Variants in CELSR1 observed in about 807,000 individuals in gnomAD.
CELSR1 encodes cadherin EGF LAG seven-pass G-type receptor 1, also known as adhesion G protein-coupled receptor C1.
In CELSR1, 110 loss-of-function variants were observed where a neutral mutation model predicts 249.1. The observed-to-expected ratio is 0.44, with a 90% CI of 0.38 to 0.52. The LOEUF is 0.52. CELSR1 is among the 20% of genes least tolerant of loss of function. CELSR1 has a pLI of 0.00. For missense variants in CELSR1, 4,109 were observed against 4,296.4 expected, an observed-to-expected ratio of 0.96 and a Z score of 1.22; for synonymous variants, 2,113 against 1,900.0, an observed-to-expected ratio of 1.11 and a Z score of -2.92.
chr22:46,482,420 C>T (rs1413317501), intron 1 of CELSR1, among the ~76,000 whole-genome samples: 1 of 152,102 alleles, frequency 6.6e-6, no homozygotes, highest in African/African-American at 2.4e-5. Context: ...AGAGGCAATA[C>T]CAGATAATGA....
Position 46,448,178 on chromosome 22 carries a change from C to T in CELSR1, c.4184-8767G>A, listed in dbSNP as rs1365456515. 6.6e-6 allele frequency among the ~76,000 whole-genome samples: 1 copy of T among 152,210 alleles called. No individual in the cohort carries two copies. The highest frequency in any genetic ancestry group is 1.5e-5 in the Non-Finnish European group (1 of 68,040). On this transcript the variant is annotated intron_variant, in intron 2 of 34. Coordinates refer to ENST00000674500, the MANE Select transcript of CELSR1 (RefSeq NM_001378328.1). The surrounding 1 kb of genome is among the most constrained non-coding windows in gnomAD (Gnocchi z 5.7). ...AGGCGGGGGCTGGGTGCTGGGTGTG[C>T]TCCTGGTCTGTGAACAAGGAAGGGG...
intron 1 of CELSR1, among the ~76,000 whole-genome samples, chr22:46,510,821 C>G (rs1022835231): frequency 1.3e-5 from 2 of 152,118 alleles, no homozygotes; most frequent in African/African-American, 2.4e-5. Flanking sequence ...TTCAAAAACA[C>G]AAAGTGCTGG....
At chr22:46,450,387 C>T (rs2079869876) in intron 2 of CELSR1, among the ~76,000 whole-genome samples, 1 of 152,260 alleles carries the variant, frequency 6.6e-6, no homozygotes, top group Non-Finnish European at 1.5e-5. Context: ...GGTGACGCTC[C>T]CTGACCCTGG....
At chr22:46,421,731 AG>A (rs1404360855) in intron 5 of CELSR1, among the ~76,000 whole-genome samples, 5 of 152,380 alleles carry the variant, frequency 3.3e-5, no homozygotes, top group South Asian at 4.1e-4. Flanking sequence ...TCCGAGATGC[AG>A]GGTAAGTAAA....
At chr22:46,373,115 G>T in intron 24 of CELSR1, 58 bp from the exon 25 acceptor site, 1 of 1,496,188 alleles carries the variant, frequency 6.7e-7, no homozygotes, top group Non-Finnish European at 9.0e-7. Context: ...AGGTCAGACA[G>T]GCATGAGTGA....
At chr22:46,386,947 G>A (rs144704898) in intron 18 of CELSR1, among the ~76,000 whole-genome samples, 2,338 of 152,090 alleles carry the variant, frequency 0.015, 59 homozygotes, top group African/African-American at 0.053. Context: ...TAGTAGAGAC[G>A]GGGCTTCACC....
rs2079271398 is a variant in CELSR1 at position 46,406,820 on chromosome 22, C to T, written c.5226+2176G>A. On this transcript the variant is annotated intron_variant, in intron 9 of 34. Transcript: ENST00000674500. This position sits in a 1 kb window ranked among gnomAD's most constrained non-coding sequence, Gnocchi z 5.4. ...CCGTAAAATCCATCTCACCTCTCAC[C>T]ATCTGACCTTAGCCCAGCTTCCCCT... Among the ~76,000 whole-genome samples, 1 of 152,178 alleles carries T rather than the reference C, an allele frequency of 6.6e-6. No individual in the cohort carries two copies. The highest frequency in any genetic ancestry group is 2.4e-5 in the African/African-American group (1 of 41,450).
At position 46,437,164 on chromosome 22, in the gene CELSR1, C is replaced by T. The variant is rs2079672560; in HGVS notation, c.4407-875G>A. Among the ~76,000 whole-genome samples, 1 of 152,190 alleles carries T rather than the reference C, an allele frequency of 6.6e-6. No individual in the cohort carries two copies. The highest frequency in any genetic ancestry group is 1.5e-5 in the Non-Finnish European group (1 of 68,032). On this transcript the variant is annotated intron_variant, in intron 3 of 34. Transcript: ENST00000674500. This position sits in a 1 kb window ranked among gnomAD's most constrained non-coding sequence, Gnocchi z 4.9. ...CTTAGAGCACGCTGAGCAAAAACCA[C>T]CTGCTCGGGCAGGAGATCATCAAAT...
At position 46,410,515 on chromosome 22, in the gene CELSR1, G is replaced by C; in HGVS notation, c.4816C>G (p.Leu1606Val). The C allele has an allele frequency of 6.2e-7, 1 of 1,614,138 alleles. No individual in the cohort carries two copies. The highest frequency in any genetic ancestry group is 8.5e-7 in the Non-Finnish European group (1 of 1,180,040). Residue 1606 changes from leucine to valine, a missense_variant, in exon 7 of 35, where the codon CTG (leucine) becomes GTG (valine). Physicochemically the swap from Leu to Val is conservative, Grantham distance 32 (BLOSUM62 1). Coordinates refer to ENST00000674500, the MANE Select transcript of CELSR1 (RefSeq NM_001378328.1). The surrounding 1 kb of genome is among the most constrained non-coding windows in gnomAD (Gnocchi z 6.8). ...GPLLLGGVPN[L>V]PEDFPVHNRQ... ...TTGTGCACTGGGAAGTCTTCTGGCA[G>C]GTTGGGGACACCCCCCAGGAGTAGA... is the stretch of plus-strand genomic sequence containing the variant.
intron 1 of CELSR1, among the ~76,000 whole-genome samples, chr22:46,505,187 G>A (rs570929034): frequency 4.1e-5 from 6 of 148,074 alleles, no homozygotes; most frequent in Admixed American, 1.4e-4. Context: ...GCGTGAACCC[G>A]GGAGGCAGAG....
In CELSR1 at chr22:46,365,684, T is replaced by C; in HGVS notation, c.8306A>G (p.Glu2769Gly). Residue 2769 changes from glutamate (E) to glycine (G), a missense_variant, in exon 31 of 35, where the codon GAA (glutamate) becomes GGA (glycine). Around this residue, in one of 7 missense-constraint regions of CELSR1, gnomAD observed 1,805 missense variants for 1,831.6 expected, o/e 0.99. Coordinates refer to ENST00000674500, the MANE Select transcript of CELSR1 (RefSeq NM_001378328.1). ...GGACACGCCGAGCTTCTGGATCCCT[T>C]CATCCCTAGAGAGGCCAGGGAGGGT... is the stretch of plus-strand genomic sequence containing the variant. ...TASLDSIVRD[E>G]GIQKLGVSSG... 6.4e-7 allele frequency: 1 copy of C among 1,573,410 alleles called. No individual in the cohort carries two copies. The highest frequency in any genetic ancestry group is 8.6e-7 in the Non-Finnish European group (1 of 1,159,420).
chr22:46,419,468 G>C (rs957585703), intron 5 of CELSR1, among the ~76,000 whole-genome samples: 4 of 152,100 alleles, frequency 2.6e-5, no homozygotes, highest in African/African-American at 9.7e-5. Flanking sequence ...TGACAAGCGG[G>C]ACAAGGAGGA....
intron 24 of CELSR1, among the ~76,000 whole-genome samples, chr22:46,373,985 C>G (rs1252943224): frequency 6.6e-6 from 1 of 152,224 alleles, no homozygotes; most frequent in Non-Finnish European, 1.5e-5. Flanking sequence ...ACACATCAGC[C>G]TCGAAGGGCC....
intron 24 of CELSR1, among the ~76,000 whole-genome samples, chr22:46,373,654 G>A (rs977118713): frequency 1.5e-5 from 2 of 133,512 alleles, no homozygotes; most frequent in Non-Finnish European, 3.2e-5. Context: ...GGAGAATGGG[G>A]AGATGGGGGA....
intron 2 of CELSR1, among the ~76,000 whole-genome samples, chr22:46,459,871 C>G (rs1339307770): frequency 6.6e-6 from 1 of 152,138 alleles, no homozygotes; most frequent in South Asian, 2.1e-4. Context: ...CGTGTAGAAT[C>G]ATCTAGAGCA....
At chr22:46,419,484 C>T (rs1316259712) in intron 5 of CELSR1, among the ~76,000 whole-genome samples, 1 of 152,126 alleles carries the variant, frequency 6.6e-6, no homozygotes, top group Non-Finnish European at 1.5e-5. Flanking sequence ...GAGGAACGCA[C>T]ACTTCCGAGC....
chr22:46,376,980 C>A (rs2078925295), intron 24 of CELSR1, 81 bp downstream of exon 24: 1 of 1,449,752 alleles, frequency 6.9e-7, no homozygotes, highest in Admixed American at 1.9e-5. Context: ...AGCCAGGGTG[C>A]TTGGAGTGGC....
At chr22:46,509,023 C>T (rs1205868380) in intron 1 of CELSR1, among the ~76,000 whole-genome samples, 2 of 152,196 alleles carry the variant, frequency 1.3e-5, no homozygotes, top group Admixed American at 6.5e-5. Flanking sequence ...CAGCGCTCAG[C>T]CATTTTCTCT....
At chr22:46,449,952 G>A (rs79414040) in intron 2 of CELSR1, among the ~76,000 whole-genome samples, 10 of 150,728 alleles carry the variant, frequency 6.6e-5, no homozygotes, top group East Asian at 1.9e-4. Flanking sequence ...TCACATGCAC[G>A]CACTCACATG....
Sources: gnomAD v4.1 joint callset for allele counts (sites outside exome capture counted in the v4.1 genomes callset) on GRCh38, gnomAD v4.1.1 for gene constraint, gnomAD v4.1.1 regional missense constraint, Gnocchi (gnomAD v3.1) non-coding constraint, MANE v1.5 for transcripts, NCBI Gene and HGNC (gene_info 2026-07-23, HGNC 2026-07-21) for gene names.